ANKRD46: variants seen among roughly 807,000 people sequenced by gnomAD.
ANKRD46 encodes the protein ankyrin repeat domain 46, also known as ankyrin repeat domain-containing protein 46.
In ANKRD46, 13 loss-of-function variants were observed where a neutral mutation model predicts 19.8. The ratio of observed to expected loss-of-function variants is 0.66; its 90% confidence interval spans 0.43 to 1.04. The LOEUF (loss-of-function observed/expected upper bound fraction) is 1.04. ANKRD46 is among the 50% of genes least tolerant of loss of function. The pLI, the probability that ANKRD46 is intolerant of heterozygous loss-of-function variation, is 0.00. For missense variants in ANKRD46, 185 were observed against 274.8 expected (o/e 0.67, Z 2.31); for synonymous variants, 91 against 106.9 (o/e 0.85, Z 0.92).
At position 100,527,901 on chromosome 8, in the gene ANKRD46, T is replaced by A. The variant is rs1446475979; in HGVS notation, c.414A>T (p.Gly138=). ...LESLEEQEVK[G]FNRGTHSKLE... ...GTTTCGAGTGGGTTCCTCTGTTAAATCCTTTCACCTCCTGTTCTTCCAAAG... is the reference window on the plus strand; with the variant it reads ...GTTTCGAGTGGGTTCCTCTGTTAAAACCTTTCACCTCCTGTTCTTCCAAAG... Residue 138 remains glycine (G), a synonymous_variant, in exon 4 of 5, where the codon GGA becomes GGT. Coordinates refer to ENST00000335659, the MANE Select transcript of ANKRD46 (RefSeq NM_001270377.2). This position sits in a 1 kb window ranked among gnomAD's most constrained non-coding sequence, Gnocchi z 4.0. The A allele has an allele frequency of 1.2e-6, 2 of 1,612,948 alleles. No homozygotes were observed. Among genetic ancestry groups the A allele is most frequent in the Non-Finnish European group, 1.7e-6 (2 of 1,179,912 alleles).
rs1811980348 is a variant in ANKRD46, at chr8:100,532,277, G to C, written c.-28+932C>G. On this transcript the variant is annotated intron_variant, in intron 2 of 4. Transcript: ENST00000335659. The surrounding 1 kb of genome is among the most constrained non-coding windows in gnomAD (Gnocchi z 4.7). ...AGCCCAGGAGTTCGAAACTAGCCTGGGCAACATAGCGAGAGACCCTGTCTC... is the reference window on the plus strand; with the variant it reads ...AGCCCAGGAGTTCGAAACTAGCCTGCGCAACATAGCGAGAGACCCTGTCTC... 1 of 152,084 alleles carries C rather than the reference G, an allele frequency of 6.6e-6. No individual in the cohort carries two copies. The allele number at this position is 152,084 out of a possible 1,614,324, so 9.4% of individuals were successfully genotyped here. A position where few individuals can be genotyped will look rare whatever the true frequency, so the allele number is the denominator to read the frequency against.
chr8:100,520,289 A>G (rs17349897), downstream of ANKRD46, among the ~76,000 whole-genome samples: 8,840 of 152,268 alleles, frequency 0.058, 339 homozygotes, highest in Non-Finnish European at 0.075. Context: ...CTGAAATGGT[A>G]TCAGGCGAGG....
In ANKRD46 at chr8:100,511,961, G is replaced by A. The variant is rs189061843; in HGVS notation, c.637-1322C>T. Among the ~76,000 whole-genome samples, 1 of 152,334 alleles carries A rather than the reference G, an allele frequency of 6.6e-6. No individual in the cohort carries two copies. Among genetic ancestry groups the A allele is most frequent in the African/African-American group, 2.4e-5 (1 of 41,584 alleles). On this transcript the variant is annotated intron_variant, in intron 5 of 5. Transcript: ENST00000520552. This position sits in a 1 kb window ranked among gnomAD's most constrained non-coding sequence, Gnocchi z 4.1. ...AATTGCTTGAACCCAGGTGGCGGAG[G>A]CTGCGGTGAGCCGAGATTGTGCCAC...
rs912398852 is a variant in ANKRD46 at position 100,546,582 on chromosome 8, C to T, written c.-131+13129G>A. On this transcript the variant is annotated intron_variant, in intron 1 of 4. Transcript: ENST00000335659. The surrounding 1 kb of genome is among the most constrained non-coding windows in gnomAD (Gnocchi z 4.0). ...ACAGGGGCAGAGCCCTTATGGAGAACCTCTGCTGGGGCAGTGTGGAAGGGA... is the reference window on the plus strand; with the variant it reads ...ACAGGGGCAGAGCCCTTATGGAGAATCTCTGCTGGGGCAGTGTGGAAGGGA... 6.6e-6 allele frequency among the ~76,000 whole-genome samples: 1 copy of T among 152,242 alleles called. No individual in the cohort carries two copies. The highest frequency in any genetic ancestry group is 1.5e-5 in the Non-Finnish European group (1 of 68,038).
chr8:100,514,516 A>G (rs536765825), intron 5 of ANKRD46, among the ~76,000 whole-genome samples: 2 of 152,096 alleles, frequency 1.3e-5, no homozygotes, highest in East Asian at 1.9e-4. Flanking sequence ...ATAAATCTTT[A>G]GGGAAAAAAA....
Position 100,521,929 on chromosome 8 carries a change from A to G in ANKRD46, c.*626T>C. 2.0e-6 allele frequency: 2 copies of G among 982,454 alleles called. No homozygotes were observed. Among genetic ancestry groups the G allele is most frequent in the Non-Finnish European group, 2.4e-6 (2 of 827,220 alleles). The allele number at this position is 982,454 out of a possible 1,614,324, so 60.9% of individuals were successfully genotyped here. Reference sequence around the variant, plus strand: ...AAAAAGATCAAAAATTATCCTAAAAACAAATAAATATAAGATCAAATCAAT... The same window carrying G: ...AAAAAGATCAAAAATTATCCTAAAAGCAAATAAATATAAGATCAAATCAAT... On this transcript the variant is annotated 3_prime_UTR_variant, in exon 5 of 5. Transcript: ENST00000335659.
At position 100,546,514 on chromosome 8, in the gene ANKRD46, A is replaced by G. The variant is rs150116027; in HGVS notation, c.-131+13197T>C. 7.6e-3 allele frequency among the ~76,000 whole-genome samples: 1,157 copies of G among 152,362 alleles called. 18 individuals are homozygous for G. Among genetic ancestry groups the G allele is most frequent in the African/African-American group, 0.026 (1,073 of 41,586 alleles). ...TTTGGGAACCTCTGCCTAGATTTCAAAGGACATATGGAAATTCCTGGATGT... is the reference window on the plus strand; with the variant it reads ...TTTGGGAACCTCTGCCTAGATTTCAGAGGACATATGGAAATTCCTGGATGT... On this transcript the variant is annotated intron_variant, in intron 1 of 4. Transcript: ENST00000335659. The surrounding 1 kb of genome is among the most constrained non-coding windows in gnomAD (Gnocchi z 4.0).
At chr8:100,547,791 T>C (rs1812302759) in intron 1 of ANKRD46, among the ~76,000 whole-genome samples, 1 of 152,246 alleles carries the variant, frequency 6.6e-6, no homozygotes, top group Admixed American at 6.5e-5. Context: ...CTGTCAGTTC[T>C]GTCTTTCATT....
chr8:100,532,703 AT>A lies in ANKRD46; in HGVS notation c.-28+505del. On this transcript the variant is annotated intron_variant, in intron 2 of 4. Coordinates refer to ENST00000335659, the MANE Select transcript of ANKRD46 (RefSeq NM_001270377.2). This position sits in a 1 kb window ranked among gnomAD's most constrained non-coding sequence, Gnocchi z 4.7. Reference sequence around the variant, plus strand: ...TAAGCTTTAAAAAATTGCAAAAAAAATCTCAGAATGTTTTTTAAAAGTTTAT... The same window carrying A: ...TAAGCTTTAAAAAATTGCAAAAAAAACTCAGAATGTTTTTTAAAAGTTTAT... 6.6e-6 allele frequency among the ~76,000 whole-genome samples: 1 copy of A among 152,304 alleles called. No individual in the cohort carries two copies. The highest frequency in any genetic ancestry group is 2.4e-5 in the African/African-American group (1 of 41,572).
rs553097095 is a variant in ANKRD46 at position 100,545,524 on chromosome 8, G to A, written c.-130-12213C>T. 2.6e-3 allele frequency among the ~76,000 whole-genome samples: 392 copies of A among 152,302 alleles called. No homozygotes were observed. The highest frequency in any genetic ancestry group is 4.6e-3 in the South Asian group (22 of 4,830). ...GAAGCCTCCCCAGCCATGTGGAACTGTGTATCAATTAAACCTTTTGTTTAT... is the reference window on the plus strand; with the variant it reads ...GAAGCCTCCCCAGCCATGTGGAACTATGTATCAATTAAACCTTTTGTTTAT... On this transcript the variant is annotated intron_variant, in intron 1 of 4. Coordinates refer to ENST00000335659, the MANE Select transcript of ANKRD46 (RefSeq NM_001270377.2). This position sits in a 1 kb window ranked among gnomAD's most constrained non-coding sequence, Gnocchi z 4.7.
In ANKRD46 at chr8:100,527,075, G is replaced by A. The variant is rs1811856077; in HGVS notation, c.470+770C>T. ...CTGGCCTATTAACTTTACCTGTTGA[G>A]CCCAGTGACATCAGGAGAAAAGATG... On this transcript the variant is annotated intron_variant, in intron 4 of 4. Coordinates refer to ENST00000335659, the MANE Select transcript of ANKRD46 (RefSeq NM_001270377.2). This position sits in a 1 kb window ranked among gnomAD's most constrained non-coding sequence, Gnocchi z 4.0. 6.6e-6 allele frequency among the ~76,000 whole-genome samples: 1 copy of A among 152,148 alleles called. No individual in the cohort carries two copies. The highest frequency in any genetic ancestry group is 2.1e-4 in the South Asian group (1 of 4,828).
Position 100,557,038 on chromosome 8 carries a change from T to C in ANKRD46, c.-131+2673A>G, listed in dbSNP as rs1812514659. ...GAATAACTGTCTTGGGGCACACATA[T>C]AACGATAGCTGATGAGCTTAAAAAA... On this transcript the variant is annotated intron_variant, in intron 1 of 4. Coordinates refer to ENST00000335659, the MANE Select transcript of ANKRD46 (RefSeq NM_001270377.2). This position sits in a 1 kb window ranked among gnomAD's most constrained non-coding sequence, Gnocchi z 5.9. 6.8e-6 allele frequency among the ~76,000 whole-genome samples: 1 copy of C among 147,350 alleles called. No homozygotes were observed. Among genetic ancestry groups the C allele is most frequent in the African/African-American group, 2.5e-5 (1 of 39,602 alleles).
rs1387366685 is a variant in ANKRD46 at position 100,522,150 on chromosome 8, A to G, written c.*405T>C. ...GGCTCTTGCAAAAATAAATGAAAAC[A>G]AAACCACCAACAAAAACTAATCATA... is the stretch of plus-strand genomic sequence containing the variant. On this transcript the variant is annotated 3_prime_UTR_variant, in exon 5 of 5. Transcript: ENST00000335659. 4.0e-6 allele frequency: 4 copies of G among 991,588 alleles called. No individual in the cohort carries two copies. The African/African-American group carries it at 7.0e-5, about 17-fold the overall frequency. The allele number at this position is 991,588 out of a possible 1,614,324, so 61.4% of individuals were successfully genotyped here.
chr8:100,511,669 T>C lies in ANKRD46; in HGVS notation c.637-1030A>G, dbSNP rs1169662546. ...ATGGCTGGGAATGTTATTTGAGCAG[T>C]TGTAAACCAATAAACCAAAGTTAGG... On this transcript the variant is annotated intron_variant, in intron 5 of 5. Transcript: ENST00000520552. The surrounding 1 kb of genome is among the most constrained non-coding windows in gnomAD (Gnocchi z 4.1). Among the ~76,000 whole-genome samples the C allele has an allele frequency of 2.6e-5, 4 of 152,348 alleles. No homozygotes were observed. Among genetic ancestry groups the C allele is most frequent in the Non-Finnish European group, 4.4e-5 (3 of 68,030 alleles).
In ANKRD46 at chr8:100,521,239, G is replaced by T. The variant is rs1057104976; in HGVS notation, c.*1316C>A. 1.0e-6 allele frequency: 1 copy of T among 984,880 alleles called. No individual in the cohort carries two copies. Among genetic ancestry groups the T allele is most frequent in the Non-Finnish European group, 1.2e-6 (1 of 829,820 alleles). The allele number at this position is 984,880 out of a possible 1,614,324, so 61.0% of individuals were successfully genotyped here. On this transcript the variant is annotated 3_prime_UTR_variant, in exon 5 of 5. Coordinates refer to ENST00000335659, the MANE Select transcript of ANKRD46 (RefSeq NM_001270377.2). ...ACAGAAATACCAATTCTATTCTAAA[G>T]CATAATTTCTAATTCTAGCAGCAAT...
At chr8:100,556,466 G>A (rs1042252274) in intron 1 of ANKRD46, 2 of 152,180 alleles carry the variant, frequency 1.3e-5, no homozygotes, top group Non-Finnish European at 2.9e-5. Context: ...AACAATCCAA[G>A]TGTAGTAGGT....
intron 3 of ANKRD46, among the ~76,000 whole-genome samples, chr8:100,528,517 CTT>C (rs775087189): frequency 1.4e-3 from 179 of 126,270 alleles, no homozygotes; most frequent in South Asian, 8.4e-3. Context: ...CCTTGTTTTT[CTT>C]TTTTTTTTTT....
At position 100,559,239 on chromosome 8, in the gene ANKRD46, G is replaced by A. The variant is rs767571732; in HGVS notation, c.-131+472C>T. 2.0e-5 allele frequency: 3 copies of A among 152,222 alleles called. No homozygotes were observed. Among genetic ancestry groups the A allele is most frequent in the Admixed American group, 6.5e-5 (1 of 15,288 alleles). The allele number at this position is 152,222 out of a possible 1,614,324, so 9.4% of individuals were successfully genotyped here. A position where few individuals can be genotyped will look rare whatever the true frequency, so the allele number is the denominator to read the frequency against. ...CCTTCCTTTTAACCCGGGCACCCCG[G>A]AGCCATGTGCCATTCTGGAGAGCTC... is the stretch of plus-strand genomic sequence containing the variant. On this transcript the variant is annotated intron_variant, in intron 1 of 4. Transcript: ENST00000335659. This position sits in a 1 kb window ranked among gnomAD's most constrained non-coding sequence, Gnocchi z 6.0.
downstream of ANKRD46, among the ~76,000 whole-genome samples, chr8:100,518,073 C>A (rs1298159993): frequency 6.6e-6 from 1 of 152,154 alleles, no homozygotes; most frequent in Non-Finnish European, 1.5e-5. Flanking sequence ...CACCTGTAAT[C>A]CCAGCTCCTA....
Sources: gnomAD v4.1 joint callset for allele counts (sites outside exome capture counted in the v4.1 genomes callset) on GRCh38, gnomAD v4.1.1 for gene constraint, Gnocchi (gnomAD v3.1) non-coding constraint, MANE v1.5 for transcripts, NCBI Gene and HGNC (gene_info 2026-07-23, HGNC 2026-07-21) for gene names.